The following RNGTT variants were observed in gnomAD, a reference collection of about 807,000 sequenced individuals.
The protein encoded by RNGTT is RNA guanylyltransferase and 5'-phosphatase.
Under a neutral mutation model 79.3 loss-of-function variants are expected in RNGTT, and 33 were observed. The ratio of observed to expected loss-of-function variants is 0.42; its 90% CI spans 0.32 to 0.56. The LOEUF is 0.56. RNGTT is among the 20% of genes least tolerant of loss of function. The pLI is 0.17. For missense variants in RNGTT, 497 were observed against 739.1 expected (o/e 0.67, Z 3.80); for synonymous variants, 222 against 235.9 (o/e 0.94, Z 0.54).
chr6:88,692,431 C>G (rs546788416), intron 13 of RNGTT, among the ~76,000 whole-genome samples: 10 of 150,514 alleles, frequency 6.6e-5, no homozygotes, highest in African/African-American at 9.8e-5. Flanking sequence ...GTGATATAGT[C>G]ATACAACAAA....
At chr6:88,724,945 G>C (rs1029574065) in intron 13 of RNGTT, among the ~76,000 whole-genome samples, 2 of 152,112 alleles carry the variant, frequency 1.3e-5, no homozygotes, top group Admixed American at 1.3e-4. Context: ...AGCAGCAGGG[G>C]CCACATGGTC....
chr6:88,785,879 A>G lies in RNGTT; in HGVS notation c.1338+15685T>C, dbSNP rs181771502. On this transcript the variant is annotated intron_variant, in intron 12 of 15. Coordinates refer to ENST00000369485, the MANE Select transcript of RNGTT (RefSeq NM_003800.5). Reference sequence around the variant, plus strand: ...GAATGCAATATTAAAATCAAAGCTGACTCTAAATTTCTATGCAAACTGATG... The same window carrying G: ...GAATGCAATATTAAAATCAAAGCTGGCTCTAAATTTCTATGCAAACTGATG... Among the ~76,000 whole-genome samples, 38 of 152,290 alleles carry G rather than the reference A, an allele frequency of 2.5e-4. 1 individual carries two copies. The East Asian group carries it at 6.4e-3, about 25-fold the overall frequency.
chr6:88,924,185 C>A (rs77142161), intron 4 of RNGTT, among the ~76,000 whole-genome samples: 3,332 of 152,278 alleles, frequency 0.022, 123 homozygotes, highest in African/African-American at 0.076. Context: ...AACTGACACC[C>A]CTCCCAGGTA....
chr6:88,645,584 C>T (rs141507976), intron 14 of RNGTT, among the ~76,000 whole-genome samples: 1,793 of 152,272 alleles, frequency 0.012, 30 homozygotes, highest in African/African-American at 0.04. Flanking sequence ...GGAGGCATCA[C>T]GCTACCTGAC....
intron 12 of RNGTT, among the ~76,000 whole-genome samples, chr6:88,789,295 C>T (rs745646771): frequency 2.6e-5 from 4 of 152,140 alleles, no homozygotes; most frequent in Non-Finnish European, 5.9e-5. Flanking sequence ...GTTAATTACA[C>T]TCACGCCTGT....
chr6:88,963,594 A>G lies in RNGTT; in HGVS notation c.-185T>C, dbSNP rs561581486. 103 of 540,460 alleles carry G rather than the reference A, an allele frequency of 1.9e-4. No individual in the cohort carries two copies. The highest frequency in any genetic ancestry group is 4.9e-4 in the Middle Eastern group (1 of 2,032). 33.5% of individuals were successfully genotyped at this position (540,460 alleles called of 1,614,324 possible). On this transcript the variant is annotated 5_prime_UTR_variant, in exon 1 of 16. Coordinates refer to ENST00000369485, the MANE Select transcript of RNGTT (RefSeq NM_003800.5). ...GCCACTTTCATTCAGGATCAACTCCACAGCTCCAGGAGAACCCACAATGCA... is the reference window on the plus strand; with the variant it reads ...GCCACTTTCATTCAGGATCAACTCCGCAGCTCCAGGAGAACCCACAATGCA...
At chr6:88,895,259 GTGTGTGTGTGTA>G (rs928197870) in intron 6 of RNGTT, among the ~76,000 whole-genome samples, 4 of 151,412 alleles carry the variant, frequency 2.6e-5, no homozygotes, top group African/African-American at 9.7e-5. Flanking sequence ...GTGTGTGTGT[GTGTGTGTGTGTA>G]AAGAGAAAAT....
At chr6:88,779,971 G>A (rs939062371) in intron 12 of RNGTT, among the ~76,000 whole-genome samples, 6 of 152,178 alleles carry the variant, frequency 3.9e-5, no homozygotes, top group Non-Finnish European at 8.8e-5. Context: ...GCCAGCCTGG[G>A]CAATAGGGTG....
chr6:88,703,398 G>A (rs574945717), intron 13 of RNGTT, among the ~76,000 whole-genome samples: 3 of 152,306 alleles, frequency 2.0e-5, no homozygotes, highest in South Asian at 2.1e-4. Flanking sequence ...GTCCTTTGTA[G>A]CAATATGGAT....
intron 8 of RNGTT, among the ~76,000 whole-genome samples, chr6:88,885,562 A>G (rs926676905): frequency 3.3e-5 from 5 of 152,274 alleles, no homozygotes; most frequent in Middle Eastern, 3.2e-3. Flanking sequence ...CTTAGCAAAC[A>G]TAACAGTGGT....
At chr6:88,789,999 G>A (rs1271495240) in intron 12 of RNGTT, among the ~76,000 whole-genome samples, 1 of 152,078 alleles carries the variant, frequency 6.6e-6, no homozygotes, top group East Asian at 1.9e-4. Flanking sequence ...ATTTATGCCC[G>A]CTTTGATATA....
chr6:88,874,646 T>C (rs747152951), intron 8 of RNGTT, among the ~76,000 whole-genome samples: 46 of 151,532 alleles, frequency 3.0e-4, no homozygotes, highest in Non-Finnish European at 6.3e-4. Context: ...TAAGAAAGTA[T>C]CACAGAATCG....
chr6:88,808,899 G>A (rs1416728544), intron 11 of RNGTT, among the ~76,000 whole-genome samples: 1 of 152,040 alleles, frequency 6.6e-6, no homozygotes, highest in Non-Finnish European at 1.5e-5. Flanking sequence ...GGAGGTTGCA[G>A]TGAGCCAAGA....
intron 13 of RNGTT, among the ~76,000 whole-genome samples, chr6:88,715,737 T>C (rs1179462354): frequency 5.3e-5 from 8 of 152,158 alleles, no homozygotes; most frequent in Non-Finnish European, 1.0e-4. Flanking sequence ...ATTTAATAAA[T>C]GGTGCTGGAA....
At chr6:88,805,557 T>C (rs1255712319) in intron 11 of RNGTT, among the ~76,000 whole-genome samples, 2 of 152,122 alleles carry the variant, frequency 1.3e-5, no homozygotes, top group East Asian at 3.9e-4. Flanking sequence ...AATGATATTA[T>C]ATTGATAAAA....
At chr6:88,712,310 T>G (rs962363954) in intron 13 of RNGTT, among the ~76,000 whole-genome samples, 2 of 152,150 alleles carry the variant, frequency 1.3e-5, no homozygotes, top group Non-Finnish European at 2.9e-5. Context: ...ATAAATAGGT[T>G]GTGTTGTTTT....
intron 13 of RNGTT, among the ~76,000 whole-genome samples, chr6:88,717,365 C>G (rs1776554324): frequency 1.3e-5 from 2 of 152,182 alleles, no homozygotes; most frequent in African/African-American, 4.8e-5. Flanking sequence ...CTTCCTTTCT[C>G]AAATCACAAA....
chr6:88,651,509 C>T (rs1043111336), intron 14 of RNGTT, among the ~76,000 whole-genome samples: 1 of 151,902 alleles, frequency 6.6e-6, no homozygotes, highest in Non-Finnish European at 1.5e-5. Context: ...AAAGCACTAA[C>T]TTTAAAAGTT....
At chr6:88,770,862 G>A (rs1562243796) in intron 12 of RNGTT, among the ~76,000 whole-genome samples, 1 of 152,048 alleles carries the variant, frequency 6.6e-6, no homozygotes, top group Non-Finnish European at 1.5e-5. Flanking sequence ...ACACAAAGAT[G>A]GTGAAGATCT....
Sources: allele counts gnomAD v4.1 joint callset (sites outside exome capture counted in the v4.1 genomes callset), GRCh38; gene constraint gnomAD v4.1.1; transcripts MANE v1.5; gene names NCBI Gene and HGNC (gene_info 2026-07-23, HGNC 2026-07-21).